Variants in TAF15 observed in about 807,000 individuals in gnomAD.
TAF15 encodes TATA-box binding protein associated factor 15.
In TAF15, 37 loss-of-function variants were observed where a neutral mutation model predicts 102.5. The observed-to-expected ratio is 0.36, with a 90% CI of 0.28 to 0.47. TAF15 has a LOEUF of 0.47. Ranked by LOEUF, TAF15 falls within the 20% of genes least tolerant of loss-of-function variation. The pLI is 0.99. For missense variants in TAF15, 652 were observed against 760.7 expected, an observed-to-expected ratio of 0.86 and a Z score of 1.68; for synonymous variants, 273 against 259.2, an observed-to-expected ratio of 1.05 and a Z score of -0.51.
Position 35,846,943 on chromosome 17 carries a change from T to C in TAF15, c.1777T>C (p.Ter593ArgextTer1), listed in dbSNP as rs1315157032. Reference protein sequence around the residue: ...YRNDQRNRPY* With the variant: ...YRNDQRNRPYR ...AAATGATCAGCGCAACCGACCATAC[T>C]GATGACTGTTTTGAATGTTCCTTTG... Residue 593 changes from the stop codon to arginine (R), a stop_lost, in exon 16 of 16, where the codon TGA becomes CGA. Coordinates refer to ENST00000605844, the MANE Select transcript of TAF15 (RefSeq NM_139215.3). 1.2e-6 allele frequency: 2 copies of C among 1,614,212 alleles called. No homozygotes were observed. Among genetic ancestry groups the C allele is most frequent in the Non-Finnish European group, 1.7e-6 (2 of 1,180,036 alleles).
In TAF15 at chr17:35,813,566, A is replaced by G. The variant is rs530306858; in HGVS notation, c.7+3990A>G. On this transcript the variant is annotated intron_variant, in intron 1 of 15. Transcript: ENST00000605844. ...TGGGAGGATTGCTTGAGCCCAGGAA[A>G]TCGAGGCTACAGTGAGCTGTGATTG... Among the ~76,000 whole-genome samples the G allele has an allele frequency of 8.6e-5, 13 of 151,976 alleles. No individual in the cohort carries two copies. The East Asian group carries it at 2.3e-3, about 27-fold the overall frequency.
At chr17:35,828,719 G>A (rs2087360584) in intron 7 of TAF15, among the ~76,000 whole-genome samples, 2 of 151,426 alleles carry the variant, frequency 1.3e-5, no homozygotes, top group Admixed American at 6.6e-5. Context: ...TCCAGTCTGG[G>A]CAATAGTGAG....
intron 10 of TAF15, among the ~76,000 whole-genome samples, chr17:35,838,002 A>G (rs915270039): frequency 6.7e-6 from 1 of 148,758 alleles, no homozygotes; most frequent in African/African-American, 2.5e-5. Context: ...AGCCTGAGCC[A>G]TATAGCAAGA....
intron 15 of TAF15, among the ~76,000 whole-genome samples, 163 bp from the exon 16 acceptor site, chr17:35,846,743 G>A (rs1194602745): frequency 6.6e-6 from 1 of 152,190 alleles, no homozygotes; most frequent in African/African-American, 2.4e-5. Context: ...TGGTAAATTA[G>A]ACATTTAAGT....
At chr17:35,813,655 A>G (rs2087155392) in intron 1 of TAF15, among the ~76,000 whole-genome samples, 1 of 128,734 alleles carries the variant, frequency 7.8e-6, no homozygotes. Context: ...GCAAAAAAAG[A>G]TTAAGAAACA....
intron 5 of TAF15, 46 bp from the exon 6 acceptor site, chr17:35,822,594 A>G (rs769747643): frequency 2.3e-5 from 37 of 1,581,652 alleles, no homozygotes; most frequent in Admixed American, 7.1e-5. Context: ...GCTACAGCAA[A>G]TGTAATCTTC....
intron 9 of TAF15, 82 bp downstream of exon 9, chr17:35,834,680 G>A (rs2087448874): frequency 1.5e-6 from 2 of 1,333,144 alleles, no homozygotes; most frequent in Admixed American, 1.7e-5. Flanking sequence ...TGTTTGGAGG[G>A]GCTTAGTACA....
chr17:35,821,495 G>A (rs1180557721), intron 5 of TAF15, among the ~76,000 whole-genome samples: 2 of 152,104 alleles, frequency 1.3e-5, no homozygotes, highest in African/African-American at 4.8e-5. Flanking sequence ...TTGTGCTTTC[G>A]ACAGGGAGTT....
At chr17:35,814,978 G>A (rs1346574671) in intron 1 of TAF15, among the ~76,000 whole-genome samples, 2 of 152,042 alleles carry the variant, frequency 1.3e-5, no homozygotes, top group Admixed American at 6.6e-5. Flanking sequence ...GTAATTAATA[G>A]ATCAGGCAAA....
At chr17:35,830,647 T>C (rs371759823) in intron 7 of TAF15, among the ~76,000 whole-genome samples, 1 of 152,184 alleles carries the variant, frequency 6.6e-6, no homozygotes, top group African/African-American at 2.4e-5. Context: ...AATTTTCTAA[T>C]AAGAAGAGAG....
At chr17:35,813,117 CAAAA>C (rs55754009) in intron 1 of TAF15, among the ~76,000 whole-genome samples, 2 of 58,932 alleles carry the variant, frequency 3.4e-5, no homozygotes, top group Non-Finnish European at 7.8e-5. Flanking sequence ...GACTCTGTCT[CAAAA>C]AAAAAAAAAA....
chr17:35,826,848 A>C (rs1210418890), intron 7 of TAF15, among the ~76,000 whole-genome samples: 1 of 150,830 alleles, frequency 6.6e-6, no homozygotes, highest in Non-Finnish European at 1.5e-5. Context: ...GTGAGCCACC[A>C]CGCCTGGCTG....
intron 7 of TAF15, among the ~76,000 whole-genome samples, chr17:35,827,632 G>C (rs1383574276): frequency 6.6e-6 from 1 of 152,058 alleles, no homozygotes; most frequent in African/African-American, 2.4e-5. Flanking sequence ...GTTGACCTGG[G>C]AGTTGGTGGT....
At chr17:35,834,418 AT>A in intron 8 of TAF15, 147 bp from the exon 9 acceptor site, 1 of 699,250 alleles carries the variant, frequency 1.4e-6, no homozygotes, top group Non-Finnish European at 2.4e-6. Flanking sequence ...AACATAATTT[AT>A]ATATTTACTT....
chr17:35,813,150 T>G, intron 1 of TAF15, among the ~76,000 whole-genome samples: 1 of 148,760 alleles, frequency 6.7e-6, no homozygotes. Context: ...GATCAAGGTG[T>G]TAATAAAACA....
At chr17:35,842,684 A>C (rs1054688480) in intron 12 of TAF15, among the ~76,000 whole-genome samples, 1 of 151,638 alleles carries the variant, frequency 6.6e-6, no homozygotes, top group Non-Finnish European at 1.5e-5. Context: ...GGAAAGCTTT[A>C]TTGTGATTTG....
rs1204250762 is a variant in TAF15, at chr17:35,843,955, G to A, written c.1007-122G>A. On this transcript the variant is annotated intron_variant, in intron 12 of 15. Transcript: ENST00000605844. ...AAGAATTACAAAGTCCTGGTATAAG[G>A]GGTTAATTTGCAGAGTGCTGCCTAA... The A allele has an allele frequency of 8.0e-6, 7 of 878,716 alleles. No individual in the cohort carries two copies. In the South Asian group the frequency reaches 9.2e-5, roughly 12 times the overall value. The allele number at this position is 878,716 out of a possible 1,614,324, so 54.4% of individuals were successfully genotyped here.
intron 10 of TAF15, among the ~76,000 whole-genome samples, chr17:35,838,173 C>A (rs990102319): frequency 6.6e-6 from 1 of 151,962 alleles, no homozygotes; most frequent in Non-Finnish European, 1.5e-5. Context: ...CAGAGTGAAA[C>A]CCTGTCTCAA....
intron 1 of TAF15, 160 bp downstream of exon 1, chr17:35,809,736 C>CA: frequency 1.1e-6 from 1 of 944,704 alleles, no homozygotes; most frequent in Non-Finnish European, 1.6e-6. Context: ...GAACTGGAGG[C>CA]ACGCACGCTC....
Sources: allele counts gnomAD v4.1 joint callset (sites outside exome capture counted in the v4.1 genomes callset), GRCh38; gene constraint gnomAD v4.1.1; transcripts MANE v1.5; gene names NCBI Gene and HGNC (gene_info 2026-07-23, HGNC 2026-07-21).